Variants in ADAMTS9 observed in about 807,000 individuals in gnomAD.
The protein encoded by ADAMTS9 is ADAM metallopeptidase with thrombospondin type 1 motif 9.
In ADAMTS9, 107 loss-of-function variants were observed where a neutral mutation model predicts 257.1. That is an observed-to-expected ratio of 0.42 (90% confidence interval 0.36 to 0.49). The LOEUF (loss-of-function observed/expected upper bound fraction) is 0.49. Among genes scored for constraint, ADAMTS9 ranks in the 20% least tolerant of loss-of-function variants. The pLI is 0.03. For synonymous variants in ADAMTS9, 982 were observed against 880.9 expected (o/e 1.11, Z -2.03); for missense variants, 2,353 against 2,469.1 (o/e 0.95, Z 1.00).
chr3:64,676,879 G>T (rs1163858277), intron 3 of ADAMTS9, among the ~76,000 whole-genome samples: 1 of 152,202 alleles, frequency 6.6e-6, no homozygotes, highest in Admixed American at 6.5e-5. Flanking sequence ...TGAGGGAGAA[G>T]TTTGAGTTAG....
At chr3:64,531,897 T>A (rs1455712728) in intron 38 of ADAMTS9, among the ~76,000 whole-genome samples, 1 of 152,172 alleles carries the variant, frequency 6.6e-6, no homozygotes, top group Non-Finnish European at 1.5e-5. Flanking sequence ...AACTTAGACA[T>A]TTTTCCACGA....
At chr3:64,578,283 T>C (rs1442397773) in intron 28 of ADAMTS9, among the ~76,000 whole-genome samples, 1 of 148,378 alleles carries the variant, frequency 6.7e-6, no homozygotes, top group South Asian at 2.2e-4. Flanking sequence ...CCTGCCTTCC[T>C]TTGGTTAAAA....
At chr3:64,603,844 G>A in intron 25 of ADAMTS9, 78 bp downstream of exon 25, 1 of 1,465,376 alleles carries the variant, frequency 6.8e-7, no homozygotes, top group Admixed American at 1.9e-5. Flanking sequence ...TTTCCAAGTG[G>A]CGCCCCCCTC....
At chr3:64,679,978 T>A (rs923537325) in intron 3 of ADAMTS9, among the ~76,000 whole-genome samples, 1 of 152,244 alleles carries the variant, frequency 6.6e-6, no homozygotes, top group African/African-American at 2.4e-5. Flanking sequence ...AATGCTTTAG[T>A]TATATTCCAT....
At chr3:64,578,832 C>T (rs1219740599) in intron 28 of ADAMTS9, among the ~76,000 whole-genome samples, 1 of 152,158 alleles carries the variant, frequency 6.6e-6, no homozygotes, top group Non-Finnish European at 1.5e-5. Context: ...TCCTTTGGCA[C>T]TATCTCAAAA....
chr3:64,681,387 G>A, intron 2 of ADAMTS9, 24 bp from the exon 3 acceptor site: 1 of 1,592,972 alleles, frequency 6.3e-7, no homozygotes, highest in Middle Eastern at 1.7e-4. Flanking sequence ...GAGATGGGAG[G>A]TTGATTTAAC....
intron 30 of ADAMTS9, among the ~76,000 whole-genome samples, chr3:64,552,767 G>A (rs1465351050): frequency 6.6e-6 from 1 of 152,032 alleles, no homozygotes; most frequent in Non-Finnish European, 1.5e-5. Context: ...ACGTTGCCCA[G>A]TTTGGTCTTG....
chr3:64,622,699 T>C (rs977522498), intron 16 of ADAMTS9, 113 bp from the exon 17 acceptor site: 46 of 1,174,824 alleles, frequency 3.9e-5, no homozygotes, highest in African/African-American at 2.6e-4. Flanking sequence ...ATGGGGACTT[T>C]TGAGGCAGAC....
intron 3 of ADAMTS9, among the ~76,000 whole-genome samples, chr3:64,661,031 G>T (rs1024811093): frequency 2.0e-5 from 3 of 152,190 alleles, no homozygotes; most frequent in African/African-American, 2.4e-5. Flanking sequence ...CTTTCTGGCT[G>T]ATGGCAATCA....
At chr3:64,581,386 C>G (rs537852909) in intron 28 of ADAMTS9, among the ~76,000 whole-genome samples, 1 of 151,808 alleles carries the variant, frequency 6.6e-6, no homozygotes, top group Non-Finnish European at 1.5e-5. Context: ...AAATTTTAAT[C>G]TATTTATTTA....
chr3:64,518,437 A>T (rs2082807788), intron 39 of ADAMTS9, among the ~76,000 whole-genome samples: 1 of 152,146 alleles, frequency 6.6e-6, no homozygotes, highest in Admixed American at 6.5e-5. Flanking sequence ...GCAGCTGAAG[A>T]CATGGGGATG....
At chr3:64,584,091 G>C (rs1337912669) in intron 28 of ADAMTS9, 2 of 152,106 alleles carry the variant, frequency 1.3e-5, no homozygotes, top group African/African-American at 4.8e-5. Flanking sequence ...CACATACCAA[G>C]GCAGGAATAG....
At chr3:64,684,634 T>C (rs560794343) in intron 2 of ADAMTS9, among the ~76,000 whole-genome samples, 1 of 152,126 alleles carries the variant, frequency 6.6e-6, no homozygotes, top group Non-Finnish European at 1.5e-5. Context: ...GAGGGCCCTT[T>C]TCCCCAAAAG....
intron 11 of ADAMTS9, 70 bp from the exon 12 acceptor site, chr3:64,642,063 T>G (rs1700659385): frequency 2.0e-6 from 3 of 1,533,070 alleles, no homozygotes; most frequent in Non-Finnish European, 2.7e-6. Flanking sequence ...GCTGTCCTTT[T>G]AAACACACCA....
intron 27 of ADAMTS9, among the ~76,000 whole-genome samples, chr3:64,594,635 TA>T (rs1231518931): frequency 6.6e-6 from 1 of 152,228 alleles, no homozygotes; most frequent in East Asian, 1.9e-4. Flanking sequence ...TATTAGTTAT[TA>T]AGTGCTTTCT....
At chr3:64,675,097 A>C (rs1701594042) in intron 3 of ADAMTS9, among the ~76,000 whole-genome samples, 1 of 152,184 alleles carries the variant, frequency 6.6e-6, no homozygotes, top group Non-Finnish European at 1.5e-5. Flanking sequence ...TACCGAGGCC[A>C]AAAAATATCC....
chr3:64,641,983 T>C lies in ADAMTS9; in HGVS notation c.1721A>G (p.Tyr574Cys), dbSNP rs1700656565. ...CATTTCTTTGGGAACACAAAATCCA[T>C]ACTTGCAGTGCTGTATTTAATAAGG... ...TECEPGKHCK[Y>C]GFCVPKEMDV... The change falls in exon 12 of 40, where the codon TAT (tyrosine) becomes TGT (cysteine). Residue 574 changes from tyrosine (Y) to cysteine (C), a missense_variant. By Grantham distance (194) the Tyr-to-Cys change is radical. Transcript: ENST00000498707. 1 of 1,614,128 alleles carries C rather than the reference T, an allele frequency of 6.2e-7. No homozygotes were observed. Among genetic ancestry groups the C allele is most frequent in the Non-Finnish European group, 8.5e-7 (1 of 1,180,014 alleles).
chr3:64,546,663 T>C (rs1428507604), intron 32 of ADAMTS9, 95 bp downstream of exon 32: 54 of 1,308,986 alleles, frequency 4.1e-5, no homozygotes, highest in Non-Finnish European at 5.6e-5. Context: ...CTCCTGGAAG[T>C]AGAGTTACTA....
At chr3:64,681,570 T>TTTATTATTTACTATTC (rs1559825985) in intron 2 of ADAMTS9, among the ~76,000 whole-genome samples, 1 of 152,180 alleles carries the variant, frequency 6.6e-6, no homozygotes, top group African/African-American at 2.4e-5. Context: ...CTAAAAATTA[T>TTTATTATTTACTATTC]TTATTATTTA....
Sources: allele counts gnomAD v4.1 joint callset (sites outside exome capture counted in the v4.1 genomes callset), GRCh38; gene constraint gnomAD v4.1.1; transcripts MANE v1.5; gene names NCBI Gene and HGNC (gene_info 2026-07-23, HGNC 2026-07-21).